The following ZNF550 variants were observed in gnomAD, a reference collection of about 807,000 sequenced individuals.
ZNF550 encodes the protein zinc finger protein 550.
ZNF550 carries 42 observed loss-of-function variants against 40.2 expected under a neutral mutation model. The ratio of observed to expected loss-of-function variants is 1.05; its 90% CI spans 0.82 to 1.35. The LOEUF is 1.35. Ranked by LOEUF, ZNF550 falls within the 40% of genes most tolerant of loss-of-function variation. The pLI is 0.00. For missense variants in ZNF550, 549 were observed against 525.2 expected, an observed-to-expected ratio of 1.05 and a Z score of -0.44; for synonymous variants, 223 against 198.6, an observed-to-expected ratio of 1.12 and a Z score of -1.03.
exon 1 of ZNF550, chr19:57,559,692 GGCAGGACGAGGCC>G: frequency 6.7e-7 from 1 of 1,497,286 alleles, no homozygotes; most frequent in South Asian, 1.2e-5. Flanking sequence ...TCCGACCGTT[GGCAGGACGAGGCC>G]GCGTGGGGCA....
chr19:57,545,315 T>G (rs773708483), intron 4 of ZNF550, among the ~76,000 whole-genome samples: 3 of 152,236 alleles, frequency 2.0e-5, no homozygotes, highest in Non-Finnish European at 4.4e-5. Flanking sequence ...CTCTCCATGT[T>G]GTTTTCTTGG....
exon 1 of ZNF550, chr19:57,559,678 G>A (rs772510785): frequency 2.7e-6 from 4 of 1,503,866 alleles, no homozygotes; most frequent in Non-Finnish European, 3.6e-6. Context: ...CTTCGTCTCC[G>A]CCATCCGACC....
At chr19:57,560,707 C>G (rs2090160901), upstream of ZNF550, among the ~76,000 whole-genome samples, 1 of 152,024 alleles carries the variant, frequency 6.6e-6, no homozygotes. Context: ...CATTTTTATA[C>G]TAAATGTGGG....
At chr19:57,547,589 C>T (rs149210671) in exon 4 of ZNF550, 40 of 1,613,996 alleles carry the variant, frequency 2.5e-5, no homozygotes, top group Middle Eastern at 3.3e-4. Context: ...TGATGTCGAA[C>T]GAGATACCAC....
chr19:57,560,053 C>A (rs2090157687), upstream of ZNF550, among the ~76,000 whole-genome samples: 1 of 152,232 alleles, frequency 6.6e-6, no homozygotes, highest in Non-Finnish European at 1.5e-5. Context: ...ATTTTTAAAA[C>A]TTCCTATTAT....
rs2090105895 is a variant in ZNF550, at chr19:57,554,880, C to T, written c.154+1351G>A. 1 of 152,334 alleles carries T rather than the reference C, an allele frequency of 6.6e-6. No homozygotes were observed. Among genetic ancestry groups the T allele is most frequent in the Non-Finnish European group, 1.5e-5 (1 of 68,080 alleles). 9.4% of individuals were successfully genotyped at this position (152,334 alleles called of 1,614,324 possible). On this transcript the variant is annotated intron_variant, in intron 2 of 4. Transcript: ENST00000457177. The surrounding 1 kb of genome is among the most constrained non-coding windows in gnomAD (Gnocchi z 4.5). ...CCTCCTTCTATCCAGCTAACTCCTA[C>T]TCAGCTTTCAGGTCTCAGCTCCACT... is the stretch of plus-strand genomic sequence containing the variant.
chr19:57,542,610 A>G (rs1189085337), exon 5 of ZNF550: 3 of 152,200 alleles, frequency 2.0e-5, no homozygotes, highest in Non-Finnish European at 4.4e-5. Context: ...AGAAAAAAAA[A>G]GAATTGTGAG....
exon 4 of ZNF550, chr19:57,547,817 C>T: frequency 1.2e-6 from 2 of 1,614,026 alleles, no homozygotes; most frequent in Middle Eastern, 1.6e-4. Flanking sequence ...AGGTCTGTCT[C>T]CGGTGTCACT....
At chr19:57,547,945 A>T in exon 4 of ZNF550, 1 of 1,614,066 alleles carries the variant, frequency 6.2e-7, no homozygotes, top group Non-Finnish European at 8.5e-7. Context: ...CTCAGATAAG[A>T]CTGGCGGGTA....
At chr19:57,547,383 A>G (rs1448364576) in exon 4 of ZNF550, 6 of 1,612,596 alleles carry the variant, frequency 3.7e-6, no homozygotes, top group Admixed American at 1.7e-5. Context: ...GACTACACTC[A>G]TAGGGTTTCT....
intron 1 of ZNF550, among the ~76,000 whole-genome samples, chr19:57,559,018 C>T (rs1415788362): frequency 1.3e-5 from 2 of 152,194 alleles, no homozygotes; most frequent in African/African-American, 4.8e-5. Context: ...CCTTTTCTGC[C>T]CTGGCATAGC....
chr19:57,545,544 AACAG>A (rs953535800), intron 4 of ZNF550, among the ~76,000 whole-genome samples: 71 of 152,306 alleles, frequency 4.7e-4, no homozygotes, highest in East Asian at 1.9e-3. Flanking sequence ...AAAGACAACA[AACAG>A]ACAGAATGGA....
exon 4 of ZNF550, chr19:57,547,447 T>C (rs1417767031): frequency 1.2e-6 from 2 of 1,613,970 alleles, no homozygotes; most frequent in Non-Finnish European, 1.7e-6. Flanking sequence ...TTTGAAGGCC[T>C]TCCCACACTC....
At chr19:57,550,355 A>T (rs2090062092) in intron 3 of ZNF550, among the ~76,000 whole-genome samples, 1 of 152,234 alleles carries the variant, frequency 6.6e-6, no homozygotes, top group Non-Finnish European at 1.5e-5. Flanking sequence ...TATATCCACT[A>T]AATATTATGG....
chr19:57,546,849 A>G, exon 4 of ZNF550: 2 of 1,424,886 alleles, frequency 1.4e-6, no homozygotes, highest in East Asian at 2.5e-5. Flanking sequence ...CTGACAAAAA[A>G]AATGAAAAGT....
At chr19:57,547,675 G>C (rs781545721) in exon 4 of ZNF550, 3 of 1,614,052 alleles carry the variant, frequency 1.9e-6, no homozygotes, top group African/African-American at 2.7e-5. Context: ...GTCTTTCCCT[G>C]GTTGCTGTGA....
chr19:57,550,042 G>C lies in ZNF550; in HGVS notation c.251-2049C>G, dbSNP rs374319717. ...CAGCGCAAGTGTTCATTAAATTGTG[G>C]GACATTACCCTTATTATTTTCATTG... On this transcript the variant is annotated intron_variant, in intron 3 of 4. Coordinates refer to ENST00000457177, the Ensembl canonical transcript of ZNF550. Among the ~76,000 whole-genome samples, 5 of 152,252 alleles carry C rather than the reference G, an allele frequency of 3.3e-5. No individual in the cohort carries two copies. In the South Asian group the frequency reaches 1.0e-3, roughly 32 times the overall value.
chr19:57,554,127 GA>G lies in ZNF550; in HGVS notation c.155-1406del, dbSNP rs1286045611. ...TAGGAAGCAGAGGCTGCAGTGAGCT[GA>G]GATCATGGCACTGCACTTCAGCCTG... On this transcript the variant is annotated intron_variant, in intron 2 of 4. Coordinates refer to ENST00000457177, the Ensembl canonical transcript of ZNF550. The surrounding 1 kb of genome is among the most constrained non-coding windows in gnomAD (Gnocchi z 4.5). The G allele has an allele frequency of 6.6e-6, 1 of 152,178 alleles. No individual in the cohort carries two copies. Among genetic ancestry groups the G allele is most frequent in the Non-Finnish European group, 1.5e-5 (1 of 68,082 alleles). 9.4% of individuals were successfully genotyped at this position (152,178 alleles called of 1,614,324 possible).
chr19:57,560,602 G>C (rs2090160449), upstream of ZNF550, among the ~76,000 whole-genome samples: 1 of 152,146 alleles, frequency 6.6e-6, no homozygotes. Context: ...TGGAGTTTGG[G>C]TTTCTAATTT....
Sources: allele counts gnomAD v4.1 joint callset (sites outside exome capture counted in the v4.1 genomes callset), GRCh38; gene constraint gnomAD v4.1.1; non-coding constraint Gnocchi (gnomAD v3.1); transcripts MANE v1.5; gene names NCBI Gene and HGNC (gene_info 2026-07-23, HGNC 2026-07-21).